The following ACBD3 variants were observed in gnomAD, a reference collection of about 807,000 sequenced individuals.
The protein encoded by ACBD3 is Golgi resident protein GCP60.
Under a neutral mutation model 66.9 loss-of-function variants are expected in ACBD3, and 30 were observed. That is an observed-to-expected ratio of 0.45 (90% CI 0.34 to 0.61). The LOEUF is 0.61. Among genes scored for constraint, ACBD3 ranks in the 20% least tolerant of loss-of-function variants. The pLI is 0.02. For synonymous variants in ACBD3, 278 were observed against 259.8 expected (o/e 1.07, Z -0.68); for missense variants, 544 against 664.5 (o/e 0.82, Z 1.99).
chr1:226,180,176 A>T (rs889203651), intron 1 of ACBD3, among the ~76,000 whole-genome samples: 5 of 150,206 alleles, frequency 3.3e-5, no homozygotes, highest in African/African-American at 1.2e-4. Context: ...GTCTCCCAAA[A>T]AAAAAAAAAA....
chr1:226,165,837 C>T (rs1394891617), intron 2 of ACBD3, 22 bp downstream of exon 2: 1 of 1,595,482 alleles, frequency 6.3e-7, no homozygotes, highest in South Asian at 1.2e-5. Flanking sequence ...ATTAAATTCA[C>T]TATACAGAAA....
chr1:226,186,547 C>A lies in ACBD3; in HGVS notation c.129G>T (p.Ser43=), dbSNP rs1576245300. The change falls in exon 1 of 8, where the codon TCG becomes TCT. Residue 43 remains serine (S), a synonymous_variant. Coordinates refer to ENST00000366812, the MANE Select transcript of ACBD3 (RefSeq NM_022735.4). ...CCGGGCCGCGACCGGATCCAGGTGG[C>A]GAGGGCGGTGGCAGCGGTGGCGGCA... ...PLLPPPLPPP[S]PPGSGRGPGA... 3 of 1,366,622 alleles carry A rather than the reference C, an allele frequency of 2.2e-6. No individual in the cohort carries two copies. Among genetic ancestry groups the A allele is most frequent in the East Asian group, 6.1e-5 (2 of 32,718 alleles). The allele number at this position is 1,366,622 out of a possible 1,614,324, so 84.7% of individuals were successfully genotyped here.
intron 3 of ACBD3, among the ~76,000 whole-genome samples, chr1:226,162,233 C>T (rs1424305975): frequency 6.6e-6 from 1 of 150,988 alleles, no homozygotes; most frequent in Non-Finnish European, 1.5e-5. Context: ...AATACATTGC[C>T]TAATATGTAA....
rs112554384 is a variant in ACBD3 at position 226,174,049 on chromosome 1, C to T, written c.287-8049G>A. On this transcript the variant is annotated intron_variant, in intron 1 of 7. Transcript: ENST00000366812. ...GAAGACCTGGGATTACAGTGTGAGC[C>T]ACCGCACCCAACCAAGAATAATTTT... Among the ~76,000 whole-genome samples, 33 of 152,094 alleles carry T rather than the reference C, an allele frequency of 2.2e-4. 1 individual carries two copies. Among genetic ancestry groups the T allele is most frequent in the African/African-American group, 6.0e-4 (25 of 41,486 alleles).
rs138496124 is a variant in ACBD3 at position 226,150,657 on chromosome 1, G to A, written c.1375+1678C>T. ...CTCCCAAAGTGTTGGGATTACAGGC[G>A]TGAGCCACCGCGTCCGGCCCAGGCT... On this transcript the variant is annotated intron_variant, in intron 7 of 7. Coordinates refer to ENST00000366812, the MANE Select transcript of ACBD3 (RefSeq NM_022735.4). Among the ~76,000 whole-genome samples, 86 of 152,306 alleles carry A rather than the reference G, an allele frequency of 5.6e-4. 1 individual carries two copies. The East Asian group carries it at 0.012, about 21-fold the overall frequency.
Position 226,152,466 on chromosome 1 carries a change from T to C in ACBD3, c.1244A>G (p.Tyr415Cys). Reference protein sequence around the residue: ...VRVPTHEEGSYLFWEFATDNY... With the variant: ...VRVPTHEEGSCLFWEFATDNY... The stretch of plus-strand genomic sequence containing the variant: ...GTCTGTGGCAAATTCCCAAAAGAGA[T>C]ATGATCCTTCTTCATGGGTGGGTAC... Residue 415 changes from tyrosine to cysteine, a missense_variant, in exon 7 of 8, where the codon TAT (tyrosine) becomes TGT (cysteine). By Grantham distance (194) the Tyr-to-Cys change is radical. This residue lies in a region of ACBD3 where 383 missense variants were observed against 462.4 expected (regional missense o/e 0.83). Coordinates refer to ENST00000366812, the MANE Select transcript of ACBD3 (RefSeq NM_022735.4). 1 of 1,614,202 alleles carries C rather than the reference T, an allele frequency of 6.2e-7. No individual in the cohort carries two copies. Among genetic ancestry groups the C allele is most frequent in the Non-Finnish European group, 8.5e-7 (1 of 1,180,034 alleles).
intron 1 of ACBD3, among the ~76,000 whole-genome samples, chr1:226,170,164 G>GTTTT (rs5781424): frequency 2.3e-5 from 3 of 133,044 alleles, no homozygotes; most frequent in Admixed American, 7.9e-5. Flanking sequence ...TTTTTTTTTG[G>GTTTT]TTTTTTTTTT....
intron 6 of ACBD3, among the ~76,000 whole-genome samples, chr1:226,154,401 TTA>T (rs140533924): frequency 2.7e-5 from 4 of 150,508 alleles, no homozygotes; most frequent in Non-Finnish European, 3.0e-5. Flanking sequence ...AATAGATAAT[TTA>T]TATATATATA....
intron 1 of ACBD3, among the ~76,000 whole-genome samples, chr1:226,184,182 G>A (rs375024863): frequency 7.0e-4 from 107 of 152,208 alleles, no homozygotes; most frequent in African/African-American, 2.4e-3. Flanking sequence ...GACAGAGTGA[G>A]ACTCTATCTC....
intron 6 of ACBD3, 37 bp downstream of exon 6, chr1:226,154,610 A>G: frequency 6.4e-7 from 1 of 1,565,424 alleles, no homozygotes; most frequent in Non-Finnish European, 8.7e-7. Flanking sequence ...CAGATTTGGA[A>G]TTATGACATC....
chr1:226,151,594 C>T (rs943009968), intron 7 of ACBD3, among the ~76,000 whole-genome samples: 1 of 152,136 alleles, frequency 6.6e-6, no homozygotes, highest in Non-Finnish European at 1.5e-5. Context: ...GTGGACTATT[C>T]TGGTGAGTTT....
At position 226,159,373 on chromosome 1, in the gene ACBD3, A is replaced by AT; in HGVS notation, c.729-16_729-15insA. The AT allele has an allele frequency of 6.2e-7, 1 of 1,613,368 alleles. No homozygotes were observed. The highest frequency in any genetic ancestry group is 8.5e-7 in the Non-Finnish European group (1 of 1,179,382). On this transcript the variant is annotated splice_polypyrimidine_tract_variant and intron_variant, in intron 4 of 7. Transcript: ENST00000366812. ...TTATCTGCTGCCTAAAAACATTAAA[A>AT]ATATATATACTAGTCTGGCTACAGG...
intron 1 of ACBD3, among the ~76,000 whole-genome samples, chr1:226,176,917 T>C (rs1437751503): frequency 2.6e-5 from 4 of 152,242 alleles, no homozygotes; most frequent in African/African-American, 9.6e-5. Context: ...GATAAATTGT[T>C]AGAAATTGTT....
rs2102771018 is a variant in ACBD3 at position 226,146,155 on chromosome 1, T to A, written c.*455A>T. ...TGTGAGGTGTTGAGTTTTTAAGTTT[T>A]AAAAATGGCCTTTAATCAAAGCCAG... On this transcript the variant is annotated 3_prime_UTR_variant, in exon 8 of 8. Transcript: ENST00000366812. 6.4e-6 allele frequency: 1 copy of A among 155,552 alleles called. No individual in the cohort carries two copies. The highest frequency in any genetic ancestry group is 2.4e-5 in the African/African-American group (1 of 41,574). The allele number at this position is 155,552 out of a possible 1,614,324, so 9.6% of individuals were successfully genotyped here.
intron 1 of ACBD3, among the ~76,000 whole-genome samples, chr1:226,175,787 A>AT (rs1656018115): frequency 6.6e-6 from 1 of 152,228 alleles, no homozygotes; most frequent in Non-Finnish European, 1.5e-5. Context: ...ACTATTTTTC[A>AT]TTATAAATGT....
chr1:226,176,638 G>T (rs1170957523), intron 1 of ACBD3, among the ~76,000 whole-genome samples: 4 of 151,920 alleles, frequency 2.6e-5, no homozygotes, highest in Non-Finnish European at 5.9e-5. Flanking sequence ...GGTGGTCTTT[G>T]GCAAGAGGGC....
intron 1 of ACBD3, among the ~76,000 whole-genome samples, chr1:226,179,988 T>C (rs939691297): frequency 8.6e-5 from 13 of 151,840 alleles, no homozygotes; most frequent in Admixed American, 1.3e-4. Context: ...CTAGCCAACA[T>C]AGTGAAACCC....
chr1:226,183,677 T>C (rs1656226819), intron 1 of ACBD3, among the ~76,000 whole-genome samples: 2 of 151,434 alleles, frequency 1.3e-5, no homozygotes, highest in Non-Finnish European at 2.9e-5. Flanking sequence ...GCAGATCACC[T>C]GAGGTCGGCA....
At chr1:226,146,967 T>C (rs201118474) in intron 7 of ACBD3, 146 bp from the exon 8 acceptor site, 7 of 729,336 alleles carry the variant, frequency 9.6e-6, no homozygotes, top group African/African-American at 3.5e-5. Flanking sequence ...TCTCAGCTCA[T>C]TGCAACCTCC....
Sources: allele counts gnomAD v4.1 joint callset (sites outside exome capture counted in the v4.1 genomes callset), GRCh38; gene constraint gnomAD v4.1.1; regional missense constraint gnomAD v4.1.1; transcripts MANE v1.5; gene names NCBI Gene and HGNC (gene_info 2026-07-23, HGNC 2026-07-21).